ANKRD26: variants seen among roughly 807,000 people sequenced by gnomAD.
The protein encoded by ANKRD26 is ankyrin repeat domain-containing protein 26.
In ANKRD26, 141 loss-of-function variants were observed where a neutral mutation model predicts 208.7. The ratio of observed to expected loss-of-function variants is 0.68; its 90% CI spans 0.59 to 0.78. ANKRD26 has a LOEUF of 0.78. Among genes scored for constraint, ANKRD26 ranks in the 30% least tolerant of loss-of-function variants. The probability of loss-of-function intolerance (pLI) is 0.00; values close to 1 mark genes in which losing one functional copy is unlikely to be tolerated. For missense variants in ANKRD26, 1,889 were observed against 1,938.7 expected (o/e 0.97, Z 0.48); for synonymous variants, 636 against 660.4 (o/e 0.96, Z 0.57).
rs201978757 is a variant in ANKRD26, at chr10:27,066,525, C to T, written c.1231G>A (p.Gly411Arg). The change falls in exon 11 of 34, where the codon GGA becomes AGA. Residue 411 changes from glycine to arginine, a missense_variant. Around this residue, in one of 3 missense-constraint regions of ANKRD26, gnomAD observed 1,272 missense variants for 1,273.8 expected, o/e 1.00. Coordinates refer to ENST00000376087, the MANE Select transcript of ANKRD26 (RefSeq NM_014915.3). ...GGTGATTCTATATCTTCCTCTTGTC[C>T]TAATCCTAATGCGGACATCATATCT... ...RSDMMSALGLGQEEDIESPWD... is the reference protein window; with the variant it reads ...RSDMMSALGLRQEEDIESPWD... The T allele has an allele frequency of 3.7e-6, 6 of 1,600,632 alleles. No individual in the cohort carries two copies. The African/African-American group carries it at 5.3e-5, about 14-fold the overall frequency.
At chr10:27,064,483 GA>G (rs920628461) in intron 11 of ANKRD26, among the ~76,000 whole-genome samples, 3 of 151,486 alleles carry the variant, frequency 2.0e-5, no homozygotes, top group Non-Finnish European at 4.4e-5. Flanking sequence ...GATTAAGAGG[GA>G]AAAAAAAGTG....
At chr10:26,987,343 A>G (rs982356655), downstream of ANKRD26, among the ~76,000 whole-genome samples, 2 of 152,182 alleles carry the variant, frequency 1.3e-5, no homozygotes, top group South Asian at 2.1e-4. Context: ...TGACCAGTTA[A>G]TGGGTGCAGC....
chr10:26,949,557 G>A, the ANKRD26 span, among the ~76,000 whole-genome samples: 2 of 152,124 alleles, frequency 1.3e-5, no homozygotes, highest in East Asian at 1.9e-4. Context: ...CCAGGCTGGA[G>A]TGCAGTGGCG....
the ANKRD26 span, among the ~76,000 whole-genome samples, chr10:26,961,165 C>G: frequency 3.3e-5 from 5 of 150,236 alleles, no homozygotes; most frequent in Admixed American, 1.3e-4. Flanking sequence ...TGCAGTGAGC[C>G]GAGATCATAC....
intron 31 of ANKRD26, among the ~76,000 whole-genome samples, chr10:27,013,897 C>A (rs1348423959): frequency 1.3e-5 from 2 of 152,200 alleles, no homozygotes; most frequent in Admixed American, 1.3e-4. Context: ...CTCAGGCTGA[C>A]CAAGGTGTTA....
intron 11 of ANKRD26, among the ~76,000 whole-genome samples, chr10:27,064,915 C>T (rs1478009482): frequency 2.0e-5 from 3 of 152,110 alleles, no homozygotes; most frequent in African/African-American, 7.2e-5. Context: ...CACTTATTTG[C>T]ACATTTTCTT....
chr10:26,990,762 A>G (rs1000116123), downstream of ANKRD26, among the ~76,000 whole-genome samples: 3 of 152,240 alleles, frequency 2.0e-5, no homozygotes, highest in African/African-American at 7.2e-5. Flanking sequence ...TTGGTCAAAT[A>G]TGATAGAAGA....
chr10:26,987,962 G>T (rs1017505858), downstream of ANKRD26, among the ~76,000 whole-genome samples: 1 of 152,148 alleles, frequency 6.6e-6, no homozygotes, highest in African/African-American at 2.4e-5. Context: ...TAGGTTTCTG[G>T]TCAGTAGCCC....
intron 28 of ANKRD26, among the ~76,000 whole-genome samples, chr10:27,023,846 T>C (rs1462180105): frequency 6.6e-6 from 1 of 152,142 alleles, no homozygotes; most frequent in Non-Finnish European, 1.5e-5. Context: ...CACTCTTAAA[T>C]CATACATACT....
chr10:27,053,329 GT>G lies in ANKRD26; in HGVS notation c.1625del (p.Asn542ThrfsTer40). On this transcript the variant is annotated frameshift_variant, in exon 16 of 34. Coordinates refer to ENST00000376087, the MANE Select transcript of ANKRD26 (RefSeq NM_014915.3). LOFTEE classifies it high-confidence loss of function. ...TAAAAATATATAATACCTGTGGCTG[GT>G]TATTTTCACTCCCTTCCCTTTCTTG... The part of the protein sequence containing the change: ...EEQEREGSEN[N>X]QPQVEEERKK... 1 of 1,607,504 alleles carries G rather than the reference GT, an allele frequency of 6.2e-7. No homozygotes were observed. The highest frequency in any genetic ancestry group is 8.5e-7 in the Non-Finnish European group (1 of 1,176,244).
intron 12 of ANKRD26, among the ~76,000 whole-genome samples, chr10:27,063,354 T>A (rs2055131567): frequency 6.6e-6 from 1 of 152,162 alleles, no homozygotes. Context: ...GAAGTCTTGC[T>A]CTGTTGCCCA....
the ANKRD26 span, among the ~76,000 whole-genome samples, chr10:26,950,096 T>C: frequency 6.6e-6 from 1 of 152,208 alleles, no homozygotes; most frequent in African/African-American, 2.4e-5. Flanking sequence ...TTTGGCTCTA[T>C]GTCCCCACCC....
chr10:26,985,797 C>G (rs1025010311), intron 3 of ANKRD26, among the ~76,000 whole-genome samples: 1 of 152,168 alleles, frequency 6.6e-6, no homozygotes, highest in South Asian at 2.1e-4. Flanking sequence ...GAGCAGCTGT[C>G]AGTGCAATAC....
chr10:27,018,351 G>GT, intron 29 of ANKRD26, among the ~76,000 whole-genome samples: 1 of 151,550 alleles, frequency 6.6e-6, no homozygotes, highest in Non-Finnish European at 1.5e-5. Context: ...AGCCAGGATG[G>GT]TCTCAATCTC....
intron 6 of ANKRD26, among the ~76,000 whole-genome samples, chr10:27,081,868 C>G (rs1349997628): frequency 6.6e-6 from 1 of 151,740 alleles, no homozygotes; most frequent in South Asian, 2.1e-4. Context: ...CTCCTGAGTA[C>G]TGGGACTATA....
the ANKRD26 span, among the ~76,000 whole-genome samples, chr10:26,967,050 G>A: frequency 6.6e-6 from 1 of 152,130 alleles, no homozygotes. Context: ...TGTAAAACCC[G>A]ATGACGTGTG....
intron 9 of ANKRD26, among the ~76,000 whole-genome samples, chr10:27,072,608 C>T (rs566348667): frequency 6.6e-6 from 1 of 152,320 alleles, no homozygotes; most frequent in African/African-American, 2.4e-5. Flanking sequence ...TCAAATCCCA[C>T]CACTACCACT....
At chr10:27,084,574 C>CA (rs2056046052) in intron 5 of ANKRD26, among the ~76,000 whole-genome samples, 2 of 151,964 alleles carry the variant, frequency 1.3e-5, no homozygotes, top group African/African-American at 4.8e-5. Flanking sequence ...TTTGTTATGG[C>CA]GAAACATTTC....
At position 27,048,824 on chromosome 10, in the gene ANKRD26, C is replaced by A; in HGVS notation, c.1791G>T (p.Arg597Ser). ...SGETDHQQFP[R>S]KENKEYASSG... ...ACCTAGCATACTCTTTATTTTCCTT[C>A]CTGGGAAATTGCTGATGATCAGTTT... Residue 597 changes from arginine (R) to serine (S), a missense_variant, in exon 17 of 34, where the codon AGG becomes AGT. Coordinates refer to ENST00000376087, the MANE Select transcript of ANKRD26 (RefSeq NM_014915.3). The A allele has an allele frequency of 6.2e-7, 1 of 1,613,142 alleles. No homozygotes were observed. Among genetic ancestry groups the A allele is most frequent in the Non-Finnish European group, 8.5e-7 (1 of 1,179,654 alleles).
Sources: allele counts gnomAD v4.1 joint callset (sites outside exome capture counted in the v4.1 genomes callset), GRCh38; gene constraint gnomAD v4.1.1; regional missense constraint gnomAD v4.1.1; transcripts MANE v1.5; gene names NCBI Gene and HGNC (gene_info 2026-07-23, HGNC 2026-07-21).